The following ABL2 variants were observed in gnomAD, a reference collection of about 807,000 sequenced individuals.
The protein encoded by ABL2 is ABL proto-oncogene 2, non-receptor tyrosine kinase.
A neutral mutation model predicts 107.7 loss-of-function variants in ABL2; 49 were observed. The ratio of observed to expected loss-of-function variants is 0.45; its 90% CI spans 0.36 to 0.58. ABL2 has a LOEUF of 0.58. ABL2 is among the 20% of genes least tolerant of loss of function. The pLI, the probability that ABL2 is intolerant of heterozygous loss-of-function variation, is 0.00. For synonymous variants in ABL2, 549 were observed against 548.6 expected (o/e 1.00, Z -0.01); for missense variants, 1,245 against 1,457.0 (o/e 0.85, Z 2.37).
intron 1 of ABL2, among the ~76,000 whole-genome samples, chr1:179,145,895 A>AT (rs11379606): frequency 0.78 from 110,446 of 142,276 alleles, 43,101 homozygotes; most frequent in East Asian, 0.97. Context: ...TCTGATCTCC[A>AT]TTTTTTTTTT....
At chr1:179,175,847 CTTTT>C (rs777854254) in intron 1 of ABL2, among the ~76,000 whole-genome samples, 1 of 132,192 alleles carries the variant, frequency 7.6e-6, no homozygotes, top group African/African-American at 2.8e-5. Context: ...ACACATTCTT[CTTTT>C]TTTTTTTTTT....
intron 1 of ABL2, among the ~76,000 whole-genome samples, chr1:179,198,030 T>C (rs2102836520): frequency 6.6e-6 from 1 of 151,140 alleles, no homozygotes; most frequent in Admixed American, 6.6e-5. Flanking sequence ...AAAAATTAGC[T>C]GGCGTGGTGG....
intron 1 of ABL2, among the ~76,000 whole-genome samples, chr1:179,188,344 T>A (rs1571279016): frequency 6.6e-6 from 1 of 151,834 alleles, no homozygotes; most frequent in Admixed American, 6.6e-5. Flanking sequence ...GAGTTGGAGA[T>A]GAGCCTGGCC....
chr1:179,165,415 A>G (rs572222000), intron 1 of ABL2, among the ~76,000 whole-genome samples: 78 of 152,178 alleles, frequency 5.1e-4, no homozygotes, highest in African/African-American at 1.7e-3. Context: ...AAAACTCCAT[A>G]ATACGTTTTG....
In ABL2 at chr1:179,100,280, GA is replaced by G. The variant is rs1447705917; in HGVS notation, c.*7437del. 3 of 228,650 alleles carry G rather than the reference GA, an allele frequency of 1.3e-5. No individual in the cohort carries two copies. In the Admixed American group the frequency reaches 1.7e-4, roughly 13 times the overall value. The allele number at this position is 228,650 out of a possible 1,614,324, so 14.2% of individuals were successfully genotyped here. Reference sequence around the variant, plus strand: ...TGGTTTCTCTGGCCCTCATCTACCAGAAGCATCTCTGTCCCCTGGCGTTCTT... The same window carrying G: ...TGGTTTCTCTGGCCCTCATCTACCAGAGCATCTCTGTCCCCTGGCGTTCTT... On this transcript the variant is annotated 3_prime_UTR_variant, in exon 12 of 12. Coordinates refer to ENST00000502732, the MANE Select transcript of ABL2 (RefSeq NM_007314.4).
chr1:179,135,711 G>A (rs1382178375), intron 1 of ABL2, among the ~76,000 whole-genome samples: 2 of 137,986 alleles, frequency 1.4e-5, no homozygotes, highest in Admixed American at 7.1e-5. Context: ...GCCTCTGCCC[G>A]GCCGCCCCTA....
intron 1 of ABL2, among the ~76,000 whole-genome samples, chr1:179,163,434 T>G (rs1659193932): frequency 6.6e-6 from 1 of 152,176 alleles, no homozygotes; most frequent in South Asian, 2.1e-4. Flanking sequence ...CAAATGTTTA[T>G]GGCAGCTCTA....
At position 179,180,867 on chromosome 1, in the gene ABL2, A is replaced by G. The variant is rs141420206; in HGVS notation, c.158-47493T>C. Among the ~76,000 whole-genome samples the G allele has an allele frequency of 8.5e-5, 13 of 152,334 alleles. No individual in the cohort carries two copies. In the East Asian group the frequency reaches 2.5e-3, roughly 29 times the overall value. On this transcript the variant is annotated intron_variant, in intron 1 of 11. Transcript: ENST00000502732. ...AATAATTCCCCCATTCTTCCTTCAC[A>G]TTTAAAGAATTCTTCCAAGTCCGCC... is the stretch of plus-strand genomic sequence containing the variant.
chr1:179,201,801 T>C (rs1571308640), intron 1 of ABL2: 4 of 1,001,194 alleles, frequency 4.0e-6, no homozygotes, highest in Non-Finnish European at 4.4e-6. Flanking sequence ...AGGTGGACAG[T>C]TTGGCCATAA....
chr1:179,206,235 A>G (rs968845711), intron 1 of ABL2, among the ~76,000 whole-genome samples: 1 of 152,224 alleles, frequency 6.6e-6, no homozygotes, highest in African/African-American at 2.4e-5. Flanking sequence ...AAGAGAACAT[A>G]AAGTGCAGAA....
At chr1:179,189,826 T>TG (rs1444271775) in intron 1 of ABL2, among the ~76,000 whole-genome samples, 1 of 151,744 alleles carries the variant, frequency 6.6e-6, no homozygotes, top group African/African-American at 2.4e-5. Context: ...CCATTTTTTT[T>TG]GTTTTTTTTT....
At position 179,229,434 on chromosome 1, in the gene ABL2, C is replaced by G. The variant is rs1216147175; in HGVS notation, c.-37G>C. The G allele has an allele frequency of 2.0e-6, 3 of 1,476,110 alleles. No individual in the cohort carries two copies. The highest frequency in any genetic ancestry group is 2.7e-6 in the Non-Finnish European group (3 of 1,124,864). 91.4% of individuals were successfully genotyped at this position (1,476,110 alleles called of 1,614,324 possible). ...CGTACTCCCGCGCCCCCGCCGACCC[C>G]TGGTCACATTCCTCCTCGGCTCCGG... On this transcript the variant is annotated 5_prime_UTR_variant, in exon 1 of 12. Coordinates refer to ENST00000502732, the MANE Select transcript of ABL2 (RefSeq NM_007314.4).
chr1:179,123,375 C>G (rs772830618), intron 4 of ABL2, among the ~76,000 whole-genome samples: 1 of 151,862 alleles, frequency 6.6e-6, no homozygotes, highest in Non-Finnish European at 1.5e-5. Context: ...CTTGGTGGTG[C>G]GTGCCTGCAG....
intron 9 of ABL2, 87 bp from the exon 10 acceptor site, chr1:179,112,485 G>A (rs1464570159): frequency 1.3e-5 from 12 of 957,538 alleles, no homozygotes; most frequent in African/African-American, 1.6e-5. Flanking sequence ...TATGCATCAT[G>A]ATGCACACTT....
At chr1:179,214,517 G>GACAT (rs1558004151) in intron 1 of ABL2, among the ~76,000 whole-genome samples, 1 of 41,088 alleles carries the variant, frequency 2.4e-5, no homozygotes, top group South Asian at 1.1e-3. Context: ...GTTTTAAAAT[G>GACAT]ACATATATAT....
intron 1 of ABL2, chr1:179,184,175 A>C (rs1158326818): frequency 4.6e-6 from 2 of 437,874 alleles, no homozygotes; most frequent in Non-Finnish European, 8.5e-6. Context: ...AGGAGGACAA[A>C]GACGCACTGC....
chr1:179,132,321 G>GTACA (rs1656413256), intron 2 of ABL2, among the ~76,000 whole-genome samples: 1 of 152,092 alleles, frequency 6.6e-6, no homozygotes, highest in African/African-American at 2.4e-5. Flanking sequence ...TTTATTCATA[G>GTACA]TACATAGCAC....
At chr1:179,157,338 A>T (rs1658760785) in intron 1 of ABL2, among the ~76,000 whole-genome samples, 2 of 152,080 alleles carry the variant, frequency 1.3e-5, no homozygotes, top group African/African-American at 4.8e-5. Flanking sequence ...TCCACTAAAA[A>T]TACAAAAAAT....
chr1:179,116,299 G>A (rs190170552), intron 8 of ABL2, among the ~76,000 whole-genome samples: 15 of 152,044 alleles, frequency 9.9e-5, no homozygotes, highest in African/African-American at 2.9e-4. Flanking sequence ...GCTTGAACCC[G>A]GGAGATGGGA....
Sources: gnomAD v4.1 joint callset for allele counts (sites outside exome capture counted in the v4.1 genomes callset) on GRCh38, gnomAD v4.1.1 for gene constraint, MANE v1.5 for transcripts, NCBI Gene and HGNC (gene_info 2026-07-23, HGNC 2026-07-21) for gene names.